The following GSAP variants were observed in gnomAD, a reference collection of about 807,000 sequenced individuals.
GSAP encodes the protein gamma-secretase activating protein, also known as gamma-secretase-activating protein.
A neutral mutation model predicts 131.7 loss-of-function variants in GSAP; 118 were observed. The observed-to-expected ratio is 0.90, with a 90% confidence interval of 0.77 to 1.04. The LOEUF (loss-of-function observed/expected upper bound fraction) is 1.04, where lower values mean the gene tolerates loss of function less well. GSAP is among the 50% of genes least tolerant of loss of function. The pLI is 0.00. For synonymous variants in GSAP, 381 were observed against 363.4 expected (o/e 1.05, Z -0.55); for missense variants, 1,019 against 1,013.2 (o/e 1.01, Z -0.08).
chr7:77,416,355 C>T, upstream of GSAP: 1 of 1,299,626 alleles, frequency 7.7e-7, no homozygotes, highest in Non-Finnish European at 1.0e-6. Flanking sequence ...GCTCTGGGGC[C>T]CCGCACCGCG....
rs1463043118 is a variant in GSAP, at chr7:77,344,147, A to G, written c.1545+5204T>C. Among the ~76,000 whole-genome samples, 5 of 152,196 alleles carry G rather than the reference A, an allele frequency of 3.3e-5. No homozygotes were observed. In the South Asian group the frequency reaches 6.2e-4, roughly 19 times the overall value. On this transcript the variant is annotated intron_variant, in intron 19 of 30. Coordinates refer to ENST00000257626, the MANE Select transcript of GSAP (RefSeq NM_017439.4). ...GGTCATTTCTTCCCTTCTGTCAGATATAATTCCTCGGTTTGGCCTTCCCAC... is the reference window on the plus strand; with the variant it reads ...GGTCATTTCTTCCCTTCTGTCAGATGTAATTCCTCGGTTTGGCCTTCCCAC...
chr7:77,313,012 C>G (rs913379943), intron 28 of GSAP, among the ~76,000 whole-genome samples: 1 of 152,096 alleles, frequency 6.6e-6, no homozygotes, highest in African/African-American at 2.4e-5. Context: ...TAGTATCTCT[C>G]ACTCTAAGTG....
At chr7:77,382,677 A>AGATAGTTG in intron 6 of GSAP, 34 bp from the exon 7 acceptor site, 1 of 1,167,898 alleles carries the variant, frequency 8.6e-7, no homozygotes, top group Non-Finnish European at 1.3e-6. Context: ...ATTGTAAGCA[A>AGATAGTTG]CTATCTTGCT....
chr7:77,377,384 T>G lies in GSAP; in HGVS notation c.583A>C (p.Lys195Gln). 1 of 1,534,774 alleles carries G rather than the reference T, an allele frequency of 6.5e-7. No individual in the cohort carries two copies. The highest frequency in any genetic ancestry group is 8.7e-7 in the Non-Finnish European group (1 of 1,152,668). ...AQEDGNRVVI[K>Q]NSGHLPRDRI... is the part of the protein sequence containing the mutation. ...TCTCTTGGGAGATGGCCAGAATTTT[T>G]AATCACCTAAAAATGCAAAAAAAAA... is the stretch of plus-strand genomic sequence containing the variant. The change falls in exon 9 of 31, where the codon AAA becomes CAA. Residue 195 changes from lysine to glutamine, a missense_variant. Coordinates refer to ENST00000257626, the MANE Select transcript of GSAP (RefSeq NM_017439.4).
chr7:77,322,986 G>C (rs1562898981), intron 24 of GSAP, among the ~76,000 whole-genome samples: 1 of 152,114 alleles, frequency 6.6e-6, no homozygotes, highest in East Asian at 1.9e-4. Context: ...ATAATGGAGT[G>C]TTCTTTCTCT....
At chr7:77,345,208 A>G (rs910988489) in intron 19 of GSAP, among the ~76,000 whole-genome samples, 4 of 152,156 alleles carry the variant, frequency 2.6e-5, no homozygotes, top group Non-Finnish European at 5.9e-5. Context: ...CCAGGCCATC[A>G]CCAATCATTC....
At chr7:77,408,535 CTAAAAAA>C (rs1303268209) in intron 1 of GSAP, among the ~76,000 whole-genome samples, 1 of 151,732 alleles carries the variant, frequency 6.6e-6, no homozygotes, top group Non-Finnish European at 1.5e-5. Flanking sequence ...CCAATCTCTA[CTAAAAAA>C]TACAGAAAAT....
rs1179332199 is a variant in GSAP, at chr7:77,406,593, ATTAAC to A, written c.110-493_110-489del. 2.0e-5 allele frequency among the ~76,000 whole-genome samples: 3 copies of A among 152,214 alleles called. No homozygotes were observed. In the East Asian group the frequency reaches 5.8e-4, roughly 29 times the overall value. On this transcript the variant is annotated intron_variant, in intron 1 of 30. Transcript: ENST00000257626. The stretch of plus-strand genomic sequence containing the variant: ...ATTAAAACAAGATTAAAAAGTTAAT[ATTAAC>A]TTTTTAACAGTCAAGCTTTTAATCA...
In GSAP at chr7:77,312,193, G is replaced by A. The variant is rs1179788886; in HGVS notation, c.2281C>T (p.Gln761Ter). ...IIVRLPPLIG[Q>*]KICRLWDHPM... ...TGATCCCAAAGTCTACAAATCTTCT[G>A]CCCAATAAGCTATTATGCAAATTGA... Residue 761 changes from glutamine (Q) to a stop codon, truncating the protein, a stop_gained, in exon 29 of 31, where the codon CAG becomes TAG. Coordinates refer to ENST00000257626, the MANE Select transcript of GSAP (RefSeq NM_017439.4). LOFTEE classifies it high-confidence loss of function. 3 of 1,580,024 alleles carry A rather than the reference G, an allele frequency of 1.9e-6. No individual in the cohort carries two copies. Among genetic ancestry groups the A allele is most frequent in the Non-Finnish European group, 2.6e-6 (3 of 1,163,108 alleles).
At chr7:77,345,516 G>A (rs1288810303) in intron 19 of GSAP, among the ~76,000 whole-genome samples, 1 of 152,144 alleles carries the variant, frequency 6.6e-6, no homozygotes, top group African/African-American at 2.4e-5. Flanking sequence ...ACATCCAGAT[G>A]GCCTGAAGGA....
chr7:77,362,469 A>G, intron 13 of GSAP, 114 bp downstream of exon 13: 1 of 631,522 alleles, frequency 1.6e-6, no homozygotes, highest in Non-Finnish European at 2.9e-6. Flanking sequence ...CCTGGGTGAC[A>G]AAGGGAGACC....
At chr7:77,346,737 A>C (rs796927048) in intron 19 of GSAP, among the ~76,000 whole-genome samples, 3 of 152,068 alleles carry the variant, frequency 2.0e-5, no homozygotes, top group Admixed American at 6.6e-5. Flanking sequence ...AAAGTATGAC[A>C]TACTTATTGT....
intron 19 of GSAP, chr7:77,330,571 CTCTTT>C (rs1788957739): frequency 1.4e-5 from 13 of 934,200 alleles, no homozygotes; most frequent in South Asian, 9.0e-5. Flanking sequence ...CATTTTCTGT[CTCTTT>C]TTTTTTTTTT....
chr7:77,388,940 T>C (rs1421650827), intron 5 of GSAP, among the ~76,000 whole-genome samples: 2 of 152,126 alleles, frequency 1.3e-5, no homozygotes, highest in Non-Finnish European at 2.9e-5. Flanking sequence ...GTTTGGTAAA[T>C]GGGTGCTTGT....
intron 19 of GSAP, among the ~76,000 whole-genome samples, chr7:77,333,656 G>A (rs111919634): frequency 1.8e-4 from 27 of 152,306 alleles, no homozygotes; most frequent in African/African-American, 6.3e-4. Context: ...GCTGTCTAAA[G>A]ACTTCTGATT....
chr7:77,333,286 C>CA (rs1471133409), intron 19 of GSAP, among the ~76,000 whole-genome samples: 2 of 152,116 alleles, frequency 1.3e-5, no homozygotes, highest in African/African-American at 4.8e-5. Context: ...AAGGATATTC[C>CA]AGGTGGGACT....
intron 17 of GSAP, 27 bp downstream of exon 17, chr7:77,353,545 T>TC: frequency 2.6e-6 from 4 of 1,531,068 alleles, no homozygotes; most frequent in Non-Finnish European, 3.6e-6. Context: ...AGTATTCAAC[T>TC]TAAGCTGCAA....
At chr7:77,384,592 G>A (rs1309741880) in intron 6 of GSAP, among the ~76,000 whole-genome samples, 1 of 152,000 alleles carries the variant, frequency 6.6e-6, no homozygotes, top group Non-Finnish European at 1.5e-5. Context: ...TGTAGAGGGT[G>A]TGTAATTACC....
chr7:77,408,153 C>T (rs1295353575), intron 1 of GSAP, among the ~76,000 whole-genome samples: 2 of 152,316 alleles, frequency 1.3e-5, no homozygotes, highest in East Asian at 1.9e-4. Context: ...GTGTGTTTCA[C>T]TTGGTGAAAA....
Sources: gnomAD v4.1 joint callset for allele counts (sites outside exome capture counted in the v4.1 genomes callset) on GRCh38, gnomAD v4.1.1 for gene constraint, MANE v1.5 for transcripts, NCBI Gene and HGNC (gene_info 2026-07-23, HGNC 2026-07-21) for gene names.